The following CNTNAP4 variants were observed in gnomAD, a reference collection of about 807,000 sequenced individuals.
The protein encoded by CNTNAP4 is contactin-associated protein-like 4.
CNTNAP4 carries 98 observed loss-of-function variants against 148.4 expected under a neutral mutation model. That is an observed-to-expected ratio of 0.66 (90% CI 0.56 to 0.78). The LOEUF (loss-of-function observed/expected upper bound fraction) is 0.78. Among genes scored for constraint, CNTNAP4 ranks in the 30% least tolerant of loss-of-function variants. CNTNAP4 has a pLI of 0.00. For synonymous variants in CNTNAP4, 730 were observed against 565.1 expected (o/e 1.29, Z -4.14); for missense variants, 1,935 against 1,565.6 (o/e 1.24, Z -3.98).
chr16:76,458,570 A>G (rs1429435353), intron 8 of CNTNAP4, among the ~76,000 whole-genome samples: 1 of 152,148 alleles, frequency 6.6e-6, no homozygotes, highest in East Asian at 1.9e-4. Flanking sequence ...TGTGCAACCT[A>G]GATCCCTCGC....
Position 76,538,142 on chromosome 16 carries a change from T to G in CNTNAP4, c.3022T>G (p.Ser1008Ala). ...GATTTCTGCATATTTTGGATCTGGC[T>G]CATCCGTGATATACAATTTTCAAGA... is the stretch of plus-strand genomic sequence containing the variant. ...NEISAYFGSG[S>A]SVIYNFQENY... The change falls in exon 19 of 24, where the codon TCA (serine) becomes GCA (alanine). Residue 1008 changes from serine (S) to alanine (A), a missense_variant. Coordinates refer to ENST00000611870, the MANE Select transcript of CNTNAP4 (RefSeq NM_033401.5). The G allele has an allele frequency of 6.5e-7, 1 of 1,545,206 alleles. No individual in the cohort carries two copies. The highest frequency in any genetic ancestry group is 8.7e-7 in the Non-Finnish European group (1 of 1,147,754).
intron 4 of CNTNAP4, chr16:76,432,335 C>T (rs1042854624): frequency 6.6e-6 from 1 of 152,074 alleles, no homozygotes; most frequent in Non-Finnish European, 1.5e-5. Flanking sequence ...TATGAAGGAA[C>T]ATCAAGTGAA....
At chr16:76,524,802 C>G (rs1029258786) in intron 17 of CNTNAP4, among the ~76,000 whole-genome samples, 4 of 151,850 alleles carry the variant, frequency 2.6e-5, no homozygotes, top group African/African-American at 9.7e-5. Flanking sequence ...ATATTTAAGT[C>G]AAGTCACTGA....
chr16:76,424,527 G>A (rs2079309909), intron 3 of CNTNAP4, among the ~76,000 whole-genome samples: 1 of 152,106 alleles, frequency 6.6e-6, no homozygotes, highest in South Asian at 2.1e-4. Flanking sequence ...GCCGAGGCGG[G>A]CAGATCATTT....
intron 2 of CNTNAP4, among the ~76,000 whole-genome samples, chr16:76,330,882 C>T (rs550350228): frequency 1.3e-5 from 2 of 152,152 alleles, no homozygotes; most frequent in South Asian, 2.1e-4. Context: ...AACATATGAA[C>T]CGGGATATTT....
intron 23 of CNTNAP4, among the ~76,000 whole-genome samples, chr16:76,555,203 A>T (rs1361721778): frequency 6.6e-6 from 1 of 152,120 alleles, no homozygotes; most frequent in Non-Finnish European, 1.5e-5. Context: ...TTAGGATTTT[A>T]TTTGGACAGC....
At chr16:76,550,277 C>T (rs1347958149) in intron 21 of CNTNAP4, among the ~76,000 whole-genome samples, 3 of 152,106 alleles carry the variant, frequency 2.0e-5, no homozygotes, top group Non-Finnish European at 4.4e-5. Flanking sequence ...TGTTTATTGT[C>T]TCTCTCCCTT....
intron 3 of CNTNAP4, among the ~76,000 whole-genome samples, chr16:76,423,586 A>G (rs767061363): frequency 2.0e-5 from 3 of 152,216 alleles, no homozygotes; most frequent in Non-Finnish European, 4.4e-5. Flanking sequence ...AATTGAGGAA[A>G]GTTTCCTAGG....
chr16:76,364,469 A>C (rs1252360079), intron 3 of CNTNAP4, among the ~76,000 whole-genome samples: 1 of 150,842 alleles, frequency 6.6e-6, no homozygotes, highest in African/African-American at 2.5e-5. Context: ...TCAAATAATC[A>C]ACCTGAGAAC....
At chr16:76,320,089 G>A (rs763751064) in intron 2 of CNTNAP4, among the ~76,000 whole-genome samples, 9 of 152,158 alleles carry the variant, frequency 5.9e-5, no homozygotes, top group East Asian at 3.9e-4. Context: ...TGAAAAGACC[G>A]TTGGTGTAAA....
At chr16:76,429,052 A>C (rs2079522261) in intron 4 of CNTNAP4, among the ~76,000 whole-genome samples, 1 of 152,188 alleles carries the variant, frequency 6.6e-6, no homozygotes, top group Non-Finnish European at 1.5e-5. Context: ...TAGTTGTTGA[A>C]TAACAGAGAT....
In CNTNAP4 at chr16:76,424,007, C is replaced by T. The variant is rs372423261; in HGVS notation, c.391-3445C>T. 7.2e-5 allele frequency among the ~76,000 whole-genome samples: 11 copies of T among 152,186 alleles called. No individual in the cohort carries two copies. The East Asian group carries it at 1.7e-3, about 24-fold the overall frequency. ...GTGCTGTAAGTCCCATATCCCCAACCTCACAATTTTCCTTACCCTCCATAA... is the reference window on the plus strand; with the variant it reads ...GTGCTGTAAGTCCCATATCCCCAACTTCACAATTTTCCTTACCCTCCATAA... On this transcript the variant is annotated intron_variant, in intron 3 of 23. Coordinates refer to ENST00000611870, the MANE Select transcript of CNTNAP4 (RefSeq NM_033401.5).
At chr16:76,304,602 TTG>T (rs1431578262) in intron 1 of CNTNAP4, among the ~76,000 whole-genome samples, 3 of 152,152 alleles carry the variant, frequency 2.0e-5, no homozygotes, top group Admixed American at 6.5e-5. Flanking sequence ...GGATCCAGTT[TTG>T]TGTAACTCAA....
intron 1 of CNTNAP4, among the ~76,000 whole-genome samples, chr16:76,289,786 G>C (rs1338019788): frequency 6.6e-6 from 1 of 151,958 alleles, no homozygotes; most frequent in East Asian, 1.9e-4. Context: ...GGTCAAGCTG[G>C]TCTTGAACTG....
In CNTNAP4 at chr16:76,400,939, A is replaced by G. The variant is rs1467917747; in HGVS notation, c.391-26513A>G. Among the ~76,000 whole-genome samples, 3 of 152,162 alleles carry G rather than the reference A, an allele frequency of 2.0e-5. No homozygotes were observed. In the East Asian group the frequency reaches 5.8e-4, roughly 29 times the overall value. ...ATTACCATGGTGTTTTGGTTACTGT[A>G]GCACTGTAGTACAGTTTGAAGTCAG... is the stretch of plus-strand genomic sequence containing the variant. On this transcript the variant is annotated intron_variant, in intron 3 of 23. Transcript: ENST00000611870.
rs183322685 is a variant in CNTNAP4, at chr16:76,452,982, A to T, written c.1333+213A>T. Among the ~76,000 whole-genome samples the T allele has an allele frequency of 2.0e-3, 311 of 152,320 alleles. No homozygotes were observed. The highest frequency in any genetic ancestry group is 5.2e-3 in the Admixed American group (80 of 15,304). On this transcript the variant is annotated intron_variant, in intron 8 of 23. Coordinates refer to ENST00000611870, the MANE Select transcript of CNTNAP4 (RefSeq NM_033401.5). ...CTAGCAGTTCTTATTAACCAAAATGATAGTTTTGGGGAACTGAAGTTTCCT... is the reference window on the plus strand; with the variant it reads ...CTAGCAGTTCTTATTAACCAAAATGTTAGTTTTGGGGAACTGAAGTTTCCT...
chr16:76,322,175 G>C (rs956189033), intron 2 of CNTNAP4, among the ~76,000 whole-genome samples: 1 of 152,238 alleles, frequency 6.6e-6, no homozygotes, highest in Non-Finnish European at 1.5e-5. Flanking sequence ...AATTGCAAGA[G>C]TCCCCTGCCT....
At chr16:76,408,723 A>C (rs1317990046) in intron 3 of CNTNAP4, among the ~76,000 whole-genome samples, 4 of 152,228 alleles carry the variant, frequency 2.6e-5, no homozygotes, top group South Asian at 4.1e-4. Context: ...TTCAATAGTT[A>C]ACTGGAAAAC....
At chr16:76,521,358 G>T in intron 16 of CNTNAP4, 48 bp downstream of exon 16, 1 of 1,467,028 alleles carries the variant, frequency 6.8e-7, no homozygotes. Context: ...TCATTTAGTA[G>T]TAAATCTTTT....
Sources: gnomAD v4.1 joint callset for allele counts (sites outside exome capture counted in the v4.1 genomes callset) on GRCh38, gnomAD v4.1.1 for gene constraint, MANE v1.5 for transcripts, NCBI Gene and HGNC (gene_info 2026-07-23, HGNC 2026-07-21) for gene names.